The following CSMD1 variants were observed in gnomAD, a reference collection of about 807,000 sequenced individuals.
CSMD1 encodes CUB and sushi domain-containing protein 1.
CSMD1 carries 213 observed loss-of-function variants against 417.5 expected under a neutral mutation model. The ratio of observed to expected loss-of-function variants is 0.51; its 90% CI spans 0.46 to 0.57. The LOEUF (loss-of-function observed/expected upper bound fraction) is 0.57. Ranked by LOEUF, CSMD1 falls within the 20% of genes least tolerant of loss-of-function variation. The pLI is 0.00. For missense variants in CSMD1, 6,923 were observed against 4,529.7 expected, an observed-to-expected ratio of 1.53 and a Z score of -15.17; for synonymous variants, 2,862 against 1,736.8, an observed-to-expected ratio of 1.65 and a Z score of -16.11.
At chr8:4,171,960 T>C (rs757285036) in intron 3 of CSMD1, among the ~76,000 whole-genome samples, 4 of 152,200 alleles carry the variant, frequency 2.6e-5, no homozygotes, top group Non-Finnish European at 5.9e-5. Flanking sequence ...TCTTGCATAA[T>C]GTAATAATCA....
chr8:4,845,343 G>A (rs931318090), intron 1 of CSMD1, among the ~76,000 whole-genome samples: 6 of 152,146 alleles, frequency 3.9e-5, no homozygotes, highest in Non-Finnish European at 7.3e-5. Flanking sequence ...TAGCTAGCCA[G>A]GGGATACATA....
chr8:4,470,952 T>A (rs183800224), intron 2 of CSMD1, among the ~76,000 whole-genome samples: 2 of 152,224 alleles, frequency 1.3e-5, no homozygotes, highest in African/African-American at 4.8e-5. Context: ...TTCCCTCAAG[T>A]GACATGTCAA....
At chr8:3,730,870 G>A (rs1027562858) in intron 6 of CSMD1, among the ~76,000 whole-genome samples, 1 of 152,170 alleles carries the variant, frequency 6.6e-6, no homozygotes, top group African/African-American at 2.4e-5. Flanking sequence ...TGATAAGAGA[G>A]AGTGCTTTTA....
chr8:3,046,523 C>T (rs184564758), intron 50 of CSMD1, among the ~76,000 whole-genome samples: 1 of 152,158 alleles, frequency 6.6e-6, no homozygotes, highest in Admixed American at 6.5e-5. Context: ...TCCTCGCCCC[C>T]ACGGATCATG....
intron 1 of CSMD1, among the ~76,000 whole-genome samples, chr8:4,707,634 C>G (rs1178744248): frequency 1.3e-5 from 2 of 151,986 alleles, no homozygotes; most frequent in African/African-American, 2.4e-5. Context: ...CTCCTGTAAT[C>G]CCAGCACTTT....
intron 1 of CSMD1, among the ~76,000 whole-genome samples, chr8:4,950,266 T>C (rs538328751): frequency 5.3e-5 from 8 of 152,280 alleles, no homozygotes; most frequent in Admixed American, 4.6e-4. Flanking sequence ...CACACACATA[T>C]TTTCATTACT....
At chr8:3,032,336 C>T (rs537416288) in intron 50 of CSMD1, among the ~76,000 whole-genome samples, 6 of 151,976 alleles carry the variant, frequency 3.9e-5, no homozygotes, top group African/African-American at 1.4e-4. Flanking sequence ...AAGAGGATGC[C>T]AGACCATTTT....
chr8:4,313,027 A>T (rs1229183417), intron 3 of CSMD1, among the ~76,000 whole-genome samples: 2 of 152,164 alleles, frequency 1.3e-5, no homozygotes, highest in Non-Finnish European at 2.9e-5. Flanking sequence ...AGAATGATTC[A>T]CATAAATTTC....
intron 1 of CSMD1, among the ~76,000 whole-genome samples, chr8:4,745,661 G>C (rs1810905036): frequency 6.6e-6 from 1 of 152,162 alleles, no homozygotes; most frequent in Admixed American, 6.5e-5. Flanking sequence ...AAAAGAAAAA[G>C]AAAACACAGA....
intron 7 of CSMD1, among the ~76,000 whole-genome samples, chr8:3,622,738 G>A (rs906791261): frequency 2.6e-5 from 4 of 152,090 alleles, no homozygotes; most frequent in African/African-American, 9.7e-5. Context: ...GAAAAAGTAT[G>A]CTGACACACT....
chr8:4,136,362 C>T (rs1431454973), intron 3 of CSMD1, among the ~76,000 whole-genome samples: 1 of 152,106 alleles, frequency 6.6e-6, no homozygotes, highest in East Asian at 1.9e-4. Flanking sequence ...TCGCTGAGCA[C>T]AAATGAAGCT....
intron 5 of CSMD1, among the ~76,000 whole-genome samples, chr8:3,845,915 A>G (rs1480348135): frequency 6.6e-6 from 1 of 152,042 alleles, no homozygotes; most frequent in Non-Finnish European, 1.5e-5. Flanking sequence ...AGTGATCATC[A>G]ATATCACTAT....
intron 5 of CSMD1, among the ~76,000 whole-genome samples, chr8:3,830,061 T>C (rs1035721581): frequency 5.3e-5 from 8 of 152,182 alleles, no homozygotes; most frequent in Non-Finnish European, 7.4e-5. Context: ...GGGCTGACTT[T>C]TGACAAATCA....
Position 3,926,955 on chromosome 8 carries a change from C to T in CSMD1, c.818+70948G>A, listed in dbSNP as rs569536887. Among the ~76,000 whole-genome samples the T allele has an allele frequency of 1.4e-4, 22 of 151,878 alleles. No individual in the cohort carries two copies. In the South Asian group the frequency reaches 4.6e-3, roughly 32 times the overall value. ...GGTCTCAAACTCCTGACATCGTGAT[C>T]CACCCACCTCGGCCTCCCAAAGTGC... On this transcript the variant is annotated intron_variant, in intron 5 of 69. Transcript: ENST00000635120.
At position 3,330,799 on chromosome 8, in the gene CSMD1, T is replaced by C. The variant is rs900248030; in HGVS notation, c.3631+12495A>G. ...AAAAAGCAAATACTTTATTTTGAAT[T>C]TTGTTGCTCTCCCATGGATATAGGA... is the stretch of plus-strand genomic sequence containing the variant. On this transcript the variant is annotated intron_variant, in intron 23 of 69. Coordinates refer to ENST00000635120, the MANE Select transcript of CSMD1 (RefSeq NM_033225.6). Among the ~76,000 whole-genome samples the C allele has an allele frequency of 3.3e-5, 5 of 152,190 alleles. 1 individual carries two copies. The highest frequency in any genetic ancestry group is 3.3e-4 in the Admixed American group (5 of 15,278).
At chr8:4,577,587 C>T (rs959856828) in intron 2 of CSMD1, among the ~76,000 whole-genome samples, 10 of 152,182 alleles carry the variant, frequency 6.6e-5, no homozygotes, top group Admixed American at 6.5e-5. Context: ...TTCCCTCAGG[C>T]AGGATCCAGT....
intron 1 of CSMD1, among the ~76,000 whole-genome samples, chr8:4,747,896 A>G (rs1394357709): frequency 6.6e-6 from 1 of 152,216 alleles, no homozygotes; most frequent in Non-Finnish European, 1.5e-5. Context: ...TTGTTGCTTT[A>G]AGCAAAGGAT....
At chr8:4,045,074 G>T (rs567308263) in intron 3 of CSMD1, among the ~76,000 whole-genome samples, 1 of 152,160 alleles carries the variant, frequency 6.6e-6, no homozygotes, top group Non-Finnish European at 1.5e-5. Context: ...CTGAGGTATG[G>T]TGTGGAGGCC....
chr8:4,884,570 C>T (rs182622697), intron 1 of CSMD1, among the ~76,000 whole-genome samples: 129 of 151,958 alleles, frequency 8.5e-4, no homozygotes, highest in African/African-American at 3.0e-3. Flanking sequence ...GATTGGGCTT[C>T]GACTTCATCA....
Sources: gnomAD v4.1 joint callset for allele counts (sites outside exome capture counted in the v4.1 genomes callset) on GRCh38, gnomAD v4.1.1 for gene constraint, MANE v1.5 for transcripts, NCBI Gene and HGNC (gene_info 2026-07-23, HGNC 2026-07-21) for gene names.